GFPT2: variants seen among roughly 807,000 people sequenced by gnomAD.
GFPT2 encodes the protein glutamine--fructose-6-phosphate aminotransferase [isomerizing] 2.
GFPT2 carries 62 observed loss-of-function variants against 85.6 expected under a neutral mutation model. That is an observed-to-expected ratio of 0.72 (90% CI 0.59 to 0.90). The LOEUF (loss-of-function observed/expected upper bound fraction) is 0.90, where lower values mean the gene tolerates loss of function less well. Among genes scored for constraint, GFPT2 ranks in the 40% least tolerant of loss-of-function variants. The pLI is 0.00. For synonymous variants in GFPT2, 368 were observed against 344.5 expected (o/e 1.07, Z -0.75); for missense variants, 788 against 893.4 (o/e 0.88, Z 1.50).
chr5:180,341,527 A>C (rs34253331), intron 1 of GFPT2, among the ~76,000 whole-genome samples: 13,526 of 152,320 alleles, frequency 0.089, 771 homozygotes, highest in African/African-American at 0.16. Context: ...ATTAAATAGT[A>C]CTATAAATTA....
rs1764023158 is a variant in GFPT2 at position 180,317,001 on chromosome 5, T to C, written c.1016A>G (p.Asn339Ser). ...AAAATTCACCCGACCTCTCATAGTA[T>C]TGAAAACTGATTCTGGCTGTTCGAA... ...EIFEQPESVF[N>S]TMRGRVNFET... Residue 339 changes from asparagine to serine, a missense_variant, in exon 11 of 19, where the codon AAT (asparagine) becomes AGT (serine). Transcript: ENST00000253778. 1 of 1,612,272 alleles carries C rather than the reference T, an allele frequency of 6.2e-7. No individual in the cohort carries two copies. The highest frequency in any genetic ancestry group is 2.2e-5 in the East Asian group (1 of 44,876).
At chr5:180,312,589 T>G in intron 14 of GFPT2, 45 bp from the exon 15 acceptor site, 1 of 1,012,334 alleles carries the variant, frequency 9.9e-7, no homozygotes, top group Non-Finnish European at 1.6e-6. Context: ...TTTCACTTTT[T>G]AAATCAACTT....
Position 180,330,706 on chromosome 5 carries a change from CTGAA to C in GFPT2, c.524_527del (p.Ile175SerfsTer56). ...GATGGGATTTGTAACTCACCAACTGCTGAATGACTCTCTCGACCAACGTTGAAAA... is the reference window on the plus strand; with the variant it reads ...GATGGGATTTGTAACTCACCAACTGCTGACTCTCTCGACCAACGTTGAAAA... On this transcript the variant is annotated frameshift_variant, in exon 6 of 19. Coordinates refer to ENST00000253778, the MANE Select transcript of GFPT2 (RefSeq NM_005110.4). LOFTEE classifies it high-confidence loss of function. The surrounding 1 kb of genome is among the most constrained non-coding windows in gnomAD (Gnocchi z 4.4). 1.2e-6 allele frequency: 2 copies of C among 1,612,092 alleles called. No individual in the cohort carries two copies. Among genetic ancestry groups the C allele is most frequent in the East Asian group, 4.5e-5 (2 of 44,842 alleles).
intron 1 of GFPT2, among the ~76,000 whole-genome samples, chr5:180,343,905 T>G (rs1471388936): frequency 6.6e-6 from 1 of 152,244 alleles, no homozygotes; most frequent in African/African-American, 2.4e-5. Context: ...AAATTAAAAA[T>G]GTACACATCT....
At position 180,302,437 on chromosome 5, in the gene GFPT2, G is replaced by A; in HGVS notation, c.1990C>T (p.Leu664Phe). The A allele has an allele frequency of 1.2e-6, 2 of 1,613,726 alleles. No individual in the cohort carries two copies. The highest frequency in any genetic ancestry group is 1.7e-6 in the Non-Finnish European group (2 of 1,179,854). The change falls in exon 18 of 19, where the codon CTC (leucine) becomes TTC (phenylalanine). Residue 664 changes from leucine (L) to phenylalanine (F), a missense_variant. Transcript: ENST00000253778. ...TTTAGACGCACGTCATATCCTCGGA[G>A]AACAGCCAGGTGGAAGGACAGCAGC... The part of the protein sequence containing the change: ...LQLLSFHLAV[L>F]RGYDVDFPRN...
At chr5:180,316,554 G>A (rs1764013754) in intron 12 of GFPT2, 93 bp from the exon 13 acceptor site, 13 of 1,389,414 alleles carry the variant, frequency 9.4e-6, no homozygotes, top group African/African-American at 2.8e-5. Context: ...TTTGTGACAC[G>A]GAACCTCACT....
intron 1 of GFPT2, chr5:180,352,745 G>GTCGCC (rs1221706562): frequency 5.1e-6 from 2 of 395,720 alleles, no homozygotes; most frequent in Non-Finnish European, 1.0e-5. Flanking sequence ...GCGGGGCGGG[G>GTCGCC]TCGCCTCTCC....
At chr5:180,303,534 T>C (rs948924637) in intron 17 of GFPT2, among the ~76,000 whole-genome samples, 6 of 152,180 alleles carry the variant, frequency 3.9e-5, no homozygotes, top group Admixed American at 1.3e-4. Context: ...AACGCAGGAC[T>C]GTGGGTCTCT....
rs776727997 is a variant in GFPT2, at chr5:180,330,725, A to G, written c.509T>C (p.Leu170Ser). The G allele has an allele frequency of 6.2e-7, 1 of 1,613,294 alleles. No homozygotes were observed. The highest frequency in any genetic ancestry group is 1.7e-5 in the Admixed American group (1 of 60,026). Residue 170 changes from leucine to serine, a missense_variant, in exon 6 of 19, where the codon TTG (leucine) becomes TCG (serine). Coordinates refer to ENST00000253778, the MANE Select transcript of GFPT2 (RefSeq NM_005110.4). The surrounding 1 kb of genome is among the most constrained non-coding windows in gnomAD (Gnocchi z 4.4). ...CAACTGCTGAATGACTCTCTCGACC[A>G]ACGTTGAAAACGTAATGTCCTCAGT... ...RETEDITFST[L>S]VERVIQQLEG...
chr5:180,307,038 G>A (rs570735031), intron 16 of GFPT2, 138 bp downstream of exon 16: 16 of 655,774 alleles, frequency 2.4e-5, no homozygotes, highest in Admixed American at 5.4e-5. Flanking sequence ...GGTGCTCAGC[G>A]CAGGCTCACA....
intron 1 of GFPT2, among the ~76,000 whole-genome samples, chr5:180,345,919 C>T (rs1473008863): frequency 2.0e-5 from 3 of 152,110 alleles, no homozygotes; most frequent in Admixed American, 6.5e-5. Flanking sequence ...CACGGTGCCA[C>T]CAGAACTCTC....
chr5:180,338,807 G>C (rs1237090988), intron 1 of GFPT2, among the ~76,000 whole-genome samples: 2 of 152,212 alleles, frequency 1.3e-5, no homozygotes, highest in Non-Finnish European at 2.9e-5. Context: ...TGTGTCACAT[G>C]TCTTGGGCTG....
chr5:180,328,805 T>G lies in GFPT2; in HGVS notation c.535-467A>C, dbSNP rs547026336. 2.6e-5 allele frequency among the ~76,000 whole-genome samples: 4 copies of G among 152,320 alleles called. No homozygotes were observed. Among genetic ancestry groups the G allele is most frequent in the South Asian group, 2.1e-4 (1 of 4,832 alleles). On this transcript the variant is annotated intron_variant, in intron 6 of 18. Transcript: ENST00000253778. The surrounding 1 kb of genome is among the most constrained non-coding windows in gnomAD (Gnocchi z 5.4). ...TCCCTTTAGCCTTCTTGGCGCCTCG[T>G]TCTCCTCATCGGTGAAGGAAGTGAG...
At chr5:180,351,026 C>A (rs530536541) in intron 1 of GFPT2, among the ~76,000 whole-genome samples, 148 of 152,342 alleles carry the variant, frequency 9.7e-4, no homozygotes, top group African/African-American at 3.3e-3. Flanking sequence ...CTGGTTCTTT[C>A]TAGGAGCATC....
Position 180,335,003 on chromosome 5 carries a change from G to A in GFPT2, c.340+825C>T, listed in dbSNP as rs1009393543. Among the ~76,000 whole-genome samples the A allele has an allele frequency of 5.3e-5, 8 of 152,178 alleles. No individual in the cohort carries two copies. The East Asian group carries it at 9.6e-4, about 18-fold the overall frequency. ...ATCACGCGTGGAGAACTGTCCTGGC[G>A]ACCCATGCAAGTGACACAGACCTGT... On this transcript the variant is annotated intron_variant, in intron 4 of 18. Transcript: ENST00000253778.
At chr5:180,321,349 A>C (rs1764116112) in intron 9 of GFPT2, among the ~76,000 whole-genome samples, 1 of 152,242 alleles carries the variant, frequency 6.6e-6, no homozygotes, top group African/African-American at 2.4e-5. Context: ...TTTAAATATA[A>C]TTATTTTATT....
chr5:180,336,088 A>G, intron 3 of GFPT2, 135 bp from the exon 4 acceptor site: 1 of 776,116 alleles, frequency 1.3e-6, no homozygotes, highest in South Asian at 1.9e-5. Flanking sequence ...CCACCCTGGG[A>G]GTCCGCGCAG....
intron 1 of GFPT2, among the ~76,000 whole-genome samples, chr5:180,341,575 A>G (rs1395485622): frequency 6.6e-6 from 1 of 152,264 alleles, no homozygotes; most frequent in Non-Finnish European, 1.5e-5. Context: ...TACACAGGAT[A>G]TGTTTGCACA....
chr5:180,304,832 A>G lies in GFPT2; in HGVS notation c.1782T>C (p.Ile594=). The change falls in exon 17 of 19, where the codon ATT becomes ATC. Residue 594 remains isoleucine, a synonymous_variant. Transcript: ENST00000253778. ...IDKQMPVIMV[I]MKDPCFAKCQ... is the part of the protein sequence containing the mutation. Reference sequence around the variant, plus strand: ...ATTTGGCGAAGCAAGGATCCTTCATAATGACCATGATGACGGGCATCTGCT... The same window carrying G: ...ATTTGGCGAAGCAAGGATCCTTCATGATGACCATGATGACGGGCATCTGCT... 5 of 1,613,938 alleles carry G rather than the reference A, an allele frequency of 3.1e-6. No individual in the cohort carries two copies. The highest frequency in any genetic ancestry group is 3.4e-6 in the Non-Finnish European group (4 of 1,179,822).
Sources: allele counts gnomAD v4.1 joint callset (sites outside exome capture counted in the v4.1 genomes callset), GRCh38; gene constraint gnomAD v4.1.1; non-coding constraint Gnocchi (gnomAD v3.1); transcripts MANE v1.5; gene names NCBI Gene and HGNC (gene_info 2026-07-23, HGNC 2026-07-21).